INTS6L: variants seen among roughly 807,000 people sequenced by gnomAD.
INTS6L encodes the protein integrator complex subunit 6-like.
In INTS6L, 18 loss-of-function variants were observed where a neutral mutation model predicts 64.7. The observed-to-expected ratio is 0.28, with a 90% CI of 0.19 to 0.41. INTS6L has a LOEUF of 0.41. Among genes scored for constraint, INTS6L ranks in the 10% least tolerant of loss-of-function variants. INTS6L has a pLI of 1.00. For missense variants in INTS6L, 533 were observed against 661.0 expected, an observed-to-expected ratio of 0.81 and a Z score of 2.12; for synonymous variants, 227 against 235.9, an observed-to-expected ratio of 0.96 and a Z score of 0.34.
At chrX:135,534,687 T>C (rs183539642) in intron 2 of INTS6L, among the ~76,000 whole-genome samples, 2,124 of 105,709 alleles carry the variant, frequency 0.02, 25 homozygotes, top group Admixed American at 0.06. Context: ...CTTTTCTTTT[T>C]TTTTTTTTTT....
At chrX:135,524,145 A>C (rs1556499704) in intron 2 of INTS6L, among the ~76,000 whole-genome samples, 1 of 111,657 alleles carries the variant, frequency 9.0e-6, no homozygotes. Flanking sequence ...AACCCTCCTC[A>C]GCATGTGGTA....
intron 9 of INTS6L, among the ~76,000 whole-genome samples, chrX:135,567,883 C>G (rs1488118476): frequency 9.8e-5 from 11 of 111,915 alleles, no homozygotes; most frequent in Non-Finnish European, 1.9e-4. Context: ...TTTATTATAG[C>G]TGTAAAAGGA....
intron 8 of INTS6L, among the ~76,000 whole-genome samples, chrX:135,554,883 C>CGTT (rs2086600779): frequency 2.0e-5 from 1 of 50,472 alleles, no homozygotes; most frequent in Non-Finnish European, 3.1e-5. Flanking sequence ...ACCAGCATAA[C>CGTT]TTTTTTTTTT....
rs149454991 is a variant in INTS6L, at chrX:135,580,024, G to C, written c.2356G>C (p.Val786Leu). Residue 786 changes from valine (V) to leucine (L), a missense_variant, in exon 16 of 18, where the codon GTA becomes CTA. By Grantham distance (32) the Val-to-Leu change is conservative. Transcript: ENST00000639893. Reference sequence around the variant, plus strand: ...AGGAGCCAAAAACTGCAGTCTCTCCGTAGATGACCAAAAAGACCCAGTAGC... The same window carrying C: ...AGGAGCCAAAAACTGCAGTCTCTCCCTAGATGACCAAAAAGACCCAGTAGC... ...VGGAKNCSLSVDDQKDPVAST... is the reference protein window; with the variant it reads ...VGGAKNCSLSLDDQKDPVAST... The C allele has an allele frequency of 2.8e-4, 343 of 1,210,530 alleles. 1 individual carries two copies. The African/African-American group carries it at 5.3e-3, about 19-fold the overall frequency.
intron 2 of INTS6L, among the ~76,000 whole-genome samples, chrX:135,540,341 T>G (rs1024567357): frequency 1.8e-5 from 2 of 112,086 alleles, no homozygotes; most frequent in Admixed American, 1.9e-4. Context: ...GTTGTGAGGT[T>G]CATGTAAGAA....
intron 2 of INTS6L, among the ~76,000 whole-genome samples, chrX:135,525,918 C>T (rs2085722153): frequency 8.9e-6 from 1 of 112,102 alleles, no homozygotes; most frequent in African/African-American, 3.2e-5. Context: ...GCTTTCTTAT[C>T]CACCTTCCTT....
chrX:135,526,916 T>C (rs1001948759), intron 2 of INTS6L, among the ~76,000 whole-genome samples: 2 of 112,408 alleles, frequency 1.8e-5, no homozygotes, highest in Admixed American at 9.4e-5. Flanking sequence ...ATTTGATATA[T>C]TTAATGTTTA....
At chrX:135,573,170 G>A (rs974896422) in intron 12 of INTS6L, 137 bp downstream of exon 12, 9 of 518,131 alleles carry the variant, frequency 1.7e-5, no homozygotes, top group Non-Finnish European at 2.9e-5. Flanking sequence ...TTTAGGAATT[G>A]TCAGCAGATA....
chrX:135,576,152 C>A (rs1270929943), intron 14 of INTS6L, among the ~76,000 whole-genome samples: 3 of 110,611 alleles, frequency 2.7e-5, no homozygotes, highest in African/African-American at 9.9e-5. Context: ...CATGGCAAAA[C>A]CCTGTCTCTA....
intron 13 of INTS6L, among the ~76,000 whole-genome samples, 185 bp downstream of exon 13, chrX:135,574,247 G>A (rs1556529652): frequency 1.8e-5 from 2 of 109,637 alleles, no homozygotes; most frequent in Admixed American, 1.9e-4. Flanking sequence ...AAGGTCAAGT[G>A]TGCATTAATC....
chrX:135,542,553 GGGAAGGAAGGAA>G (rs374727290), intron 2 of INTS6L, among the ~76,000 whole-genome samples: 1 of 107,670 alleles, frequency 9.3e-6, no homozygotes, highest in Non-Finnish European at 1.9e-5. Flanking sequence ...AGGGAGGGAG[GGGAAGGAAGGAA>G]GGAAGGAAGG....
Position 135,573,016 on chromosome X carries a change from A to G in INTS6L, c.1600A>G (p.Ile534Val). 1 of 1,207,306 alleles carries G rather than the reference A, an allele frequency of 8.3e-7. No individual in the cohort carries two copies. The highest frequency in any genetic ancestry group is 1.1e-6 in the Non-Finnish European group (1 of 892,109). ...LNTKEFAGFQ[I>V]GLLNKDLKPQ... The stretch of plus-strand genomic sequence containing the variant: ...CACCAAAGAATTTGCTGGCTTCCAA[A>G]TTGGGCTCTTAAACAAGGTAAATTG... The change falls in exon 12 of 18, where the codon ATT becomes GTT. Residue 534 changes from isoleucine to valine, a missense_variant. Transcript: ENST00000639893.
intron 9 of INTS6L, among the ~76,000 whole-genome samples, chrX:135,561,946 A>G: frequency 9.0e-6 from 1 of 111,387 alleles, no homozygotes; most frequent in Admixed American, 9.5e-5. Flanking sequence ...GCCTTGCTAG[A>G]TGTTTGTCAC....
chrX:135,579,866 C>A lies in INTS6L; in HGVS notation c.2198C>A (p.Ser733Tyr), dbSNP rs372055555. ...ACACCTGATGGCTTCCTGTCAAAAT[C>A]TGCTCCATCAGAGCTTATAAATATG... ...QITPDGFLSK[S>Y]APSELINMTG... is the part of the protein sequence containing the mutation. Residue 733 changes from serine (S) to tyrosine (Y), a missense_variant, in exon 16 of 18, where the codon TCT (serine) becomes TAT (tyrosine). Transcript: ENST00000639893. The A allele has an allele frequency of 2.3e-5, 28 of 1,209,405 alleles. No homozygotes were observed. The highest frequency in any genetic ancestry group is 3.0e-5 in the Non-Finnish European group (27 of 894,809).
intron 3 of INTS6L, 128 bp from the exon 4 acceptor site, chrX:135,546,252 C>A: frequency 2.5e-6 from 1 of 395,939 alleles, no homozygotes; most frequent in South Asian, 9.5e-5. Context: ...GTTCCCTGGT[C>A]ATTTCTTCCT....
intron 2 of INTS6L, among the ~76,000 whole-genome samples, chrX:135,521,759 C>CT (rs2085571354): frequency 0.068 from 3 of 44 alleles, no homozygotes; most frequent in Non-Finnish European, 0.11. Flanking sequence ...GGTCGCCGCG[C>CT]GGGGGGCCGG....
intron 2 of INTS6L, among the ~76,000 whole-genome samples, chrX:135,542,428 G>A (rs1341150532): frequency 2.7e-5 from 3 of 110,044 alleles, no homozygotes; most frequent in African/African-American, 1.0e-4. Flanking sequence ...AACCTGGGAG[G>A]TGGAGGTTGC....
At chrX:135,579,186 C>T (rs1361976153) in intron 15 of INTS6L, among the ~76,000 whole-genome samples, 2 of 111,788 alleles carry the variant, frequency 1.8e-5, no homozygotes, top group Non-Finnish European at 3.8e-5. Context: ...CTCCAGCTCC[C>T]GACACACTGC....
In INTS6L at chrX:135,572,850, G is replaced by A; in HGVS notation, c.1434G>A (p.Val478=). 8.3e-7 allele frequency: 1 copy of A among 1,211,279 alleles called. No homozygotes were observed. Among genetic ancestry groups the A allele is most frequent in the South Asian group, 1.8e-5 (1 of 56,951 alleles). ...AGTCAGAACGAATACTAGCATCAGT[G>A]GGGAAGAAACCTCCCCAGGAAATTG... ...KLESERILAS[V]GKKPPQEIGI... The change falls in exon 12 of 18, where the codon GTG becomes GTA. Residue 478 remains valine, a synonymous_variant. Coordinates refer to ENST00000639893, the MANE Select transcript of INTS6L (RefSeq NM_001351601.3).
Sources: allele counts gnomAD v4.1 joint callset (sites outside exome capture counted in the v4.1 genomes callset), GRCh38; gene constraint gnomAD v4.1.1; transcripts MANE v1.5; gene names NCBI Gene and HGNC (gene_info 2026-07-23, HGNC 2026-07-21).